Variants in WDSUB1 observed in about 807,000 individuals in gnomAD.
WDSUB1 encodes the protein WD repeat, SAM and U-box domain-containing protein 1.
A neutral mutation model predicts 53.9 loss-of-function variants in WDSUB1; 49 were observed. The ratio of observed to expected loss-of-function variants is 0.91; its 90% confidence interval spans 0.72 to 1.15. The LOEUF is 1.15. WDSUB1 is among the 50% of genes most tolerant of loss of function. The pLI, the probability that WDSUB1 is intolerant of heterozygous loss-of-function variation, is 0.00. For synonymous variants in WDSUB1, 194 were observed against 200.6 expected, an observed-to-expected ratio of 0.97 and a Z score of 0.28; for missense variants, 514 against 562.0, an observed-to-expected ratio of 0.91 and a Z score of 0.86.
intron 5 of WDSUB1, among the ~76,000 whole-genome samples, chr2:159,265,556 A>T (rs2061326208): frequency 6.6e-6 from 1 of 151,918 alleles, no homozygotes; most frequent in South Asian, 2.1e-4. Flanking sequence ...AAAAATACAA[A>T]ACTTAGCCAA....
intron 2 of WDSUB1, among the ~76,000 whole-genome samples, chr2:159,280,690 CAAAA>C (rs58584838): frequency 1.0e-4 from 6 of 59,616 alleles, no homozygotes; most frequent in African/African-American, 2.0e-4. Flanking sequence ...GACTCCGTCT[CAAAA>C]AAAAAAAAAA....
Position 159,275,651 on chromosome 2 carries a change from A to T in WDSUB1, c.584-13T>A. ...CCTTGTTCTCCATCTAAAATTTATT[A>T]AAAATAAATACAGAGAATTTGTAAA... On this transcript the variant is annotated splice_polypyrimidine_tract_variant and intron_variant, in intron 3 of 10. Transcript: ENST00000359774. 6.3e-7 allele frequency: 1 copy of T among 1,579,516 alleles called. No homozygotes were observed. Among genetic ancestry groups the T allele is most frequent in the South Asian group, 1.2e-5 (1 of 84,928 alleles).
intron 9 of WDSUB1, among the ~76,000 whole-genome samples, chr2:159,251,604 A>T (rs1054466226): frequency 4.6e-5 from 7 of 152,220 alleles, no homozygotes; most frequent in Admixed American, 4.6e-4. Context: ...GCTGAGAAAG[A>T]AAGGACCCTT....
At chr2:159,276,040 T>A (rs1034242821) in intron 3 of WDSUB1, among the ~76,000 whole-genome samples, 2 of 150,240 alleles carry the variant, frequency 1.3e-5, no homozygotes, top group African/African-American at 4.9e-5. Context: ...CTAACCTTTT[T>A]TTAAGGTCAT....
chr2:159,255,062 C>T (rs7584963), intron 9 of WDSUB1, among the ~76,000 whole-genome samples: 63,987 of 151,780 alleles, frequency 0.42, 14,759 homozygotes, highest in Non-Finnish European at 0.54. Flanking sequence ...CCTGGGAGGT[C>T]GAGGCTGTAG....
intron 2 of WDSUB1, among the ~76,000 whole-genome samples, chr2:159,281,695 G>C (rs2061668207): frequency 6.6e-6 from 1 of 151,830 alleles, no homozygotes; most frequent in South Asian, 2.1e-4. Context: ...CTATGGGCCG[G>C]GCGCAGTGGC....
chr2:159,270,264 A>C (rs1300319359), intron 5 of WDSUB1, among the ~76,000 whole-genome samples: 1 of 152,226 alleles, frequency 6.6e-6, no homozygotes, highest in Non-Finnish European at 1.5e-5. Flanking sequence ...AGAAATATGC[A>C]ACATTCTCAG....
intron 10 of WDSUB1, among the ~76,000 whole-genome samples, chr2:159,242,425 G>T (rs1179894636): frequency 6.8e-6 from 1 of 146,042 alleles, no homozygotes; most frequent in African/African-American, 2.7e-5. Context: ...CCAGCATTTT[G>T]GGAGGCGGGC....
chr2:159,266,133 G>A (rs1017586228), intron 5 of WDSUB1, among the ~76,000 whole-genome samples: 7 of 152,174 alleles, frequency 4.6e-5, no homozygotes, highest in African/African-American at 1.7e-4. Context: ...AATAGTGATA[G>A]ATGTAACCCA....
chr2:159,266,715 A>T (rs1415765536), intron 5 of WDSUB1, among the ~76,000 whole-genome samples: 3 of 152,158 alleles, frequency 2.0e-5, no homozygotes, highest in East Asian at 3.9e-4. Flanking sequence ...AAGTTCTCCT[A>T]AATTTAATAT....
intron 10 of WDSUB1, among the ~76,000 whole-genome samples, chr2:159,239,433 A>G (rs1019405317): frequency 8.6e-5 from 13 of 151,964 alleles, no homozygotes; most frequent in Non-Finnish European, 1.2e-4. Flanking sequence ...TTGTTTATAG[A>G]TTTTCTATTC....
At chr2:159,248,744 TA>T (rs772570179) in intron 9 of WDSUB1, among the ~76,000 whole-genome samples, 3 of 152,172 alleles carry the variant, frequency 2.0e-5, no homozygotes, top group Non-Finnish European at 4.4e-5. Context: ...TAGCTGGGAC[TA>T]CAGGCACATG....
chr2:159,279,192 C>T (rs1488940265), intron 3 of WDSUB1, among the ~76,000 whole-genome samples: 1 of 152,162 alleles, frequency 6.6e-6, no homozygotes, highest in African/African-American at 2.4e-5. Flanking sequence ...CATCCACTAA[C>T]ACGGAAAATG....
At chr2:159,242,072 A>C (rs2060665982) in intron 10 of WDSUB1, among the ~76,000 whole-genome samples, 7 of 145,416 alleles carry the variant, frequency 4.8e-5, no homozygotes, top group Admixed American at 4.7e-4. Context: ...TTATTTAGAG[A>C]TGGAGTCTCG....
Position 159,261,896 on chromosome 2 carries a change from ATTTTTTTTTTTTTTTTTTTT to A in WDSUB1, c.771-2073_771-2054del, listed in dbSNP as rs869067609. Among the ~76,000 whole-genome samples, 81 of 22,616 alleles carry A rather than the reference ATTTTTTTTTTTTTTTTTTTT, an allele frequency of 3.6e-3. 1 individual carries two copies. The highest frequency in any genetic ancestry group is 4.5e-3 in the Admixed American group (6 of 1,334). The allele number at this position is 22,616 out of a possible 152,430, so 14.8% of individuals were successfully genotyped here. A position where few individuals can be genotyped will look rare whatever the true frequency, so the allele number is the denominator to read the frequency against. ...TATATATATATATATATATATATAT[ATTTTTTTTTTTTTTTTTTTT>A]TTTTTTTTTTTTTAAATAAATGAAC... On this transcript the variant is annotated intron_variant, in intron 5 of 10. Coordinates refer to ENST00000359774, the MANE Select transcript of WDSUB1 (RefSeq NM_001128212.3).
At chr2:159,261,890 ATATATATTTTTTTTTTTTTTTTTTT>A (rs1558856697) in intron 5 of WDSUB1, among the ~76,000 whole-genome samples, 3 of 13,654 alleles carry the variant, frequency 2.2e-4, no homozygotes, top group African/African-American at 4.3e-4. Context: ...ATATATATAT[ATATATATTTTTTTTTTTTTTTTTTT>A]TTTTTTTTTT....
At chr2:159,263,056 CAA>C (rs953372600) in intron 5 of WDSUB1, among the ~76,000 whole-genome samples, 2 of 152,128 alleles carry the variant, frequency 1.3e-5, no homozygotes, top group Non-Finnish European at 2.9e-5. Context: ...CTCAAGAATA[CAA>C]GAGAAACCCG....
At chr2:159,272,016 AAGAATT>A (rs2061453189) in intron 4 of WDSUB1, among the ~76,000 whole-genome samples, 1 of 152,218 alleles carries the variant, frequency 6.6e-6, no homozygotes, top group African/African-American at 2.4e-5. Flanking sequence ...CAAATTTTTA[AAGAATT>A]GAAGTAGCTT....
intron 10 of WDSUB1, among the ~76,000 whole-genome samples, chr2:159,236,468 A>C (rs1478982888): frequency 6.6e-6 from 1 of 152,182 alleles, no homozygotes; most frequent in Non-Finnish European, 1.5e-5. Flanking sequence ...ATTCAGACAC[A>C]GTGGAAGAGA....
Sources: allele counts gnomAD v4.1 joint callset (sites outside exome capture counted in the v4.1 genomes callset), GRCh38; gene constraint gnomAD v4.1.1; transcripts MANE v1.5; gene names NCBI Gene and HGNC (gene_info 2026-07-23, HGNC 2026-07-21).